CFAP74: variants seen among roughly 807,000 people sequenced by gnomAD.
The protein encoded by CFAP74 is cilia- and flagella-associated protein 74.
CFAP74 carries 124 observed loss-of-function variants against 188.9 expected under a neutral mutation model. The observed-to-expected ratio is 0.66, with a 90% CI of 0.57 to 0.76. The LOEUF is 0.76. Among genes scored for constraint, CFAP74 ranks in the 30% least tolerant of loss-of-function variants. CFAP74 has a pLI of 0.00. For missense variants in CFAP74, 2,198 were observed against 2,165.2 expected (o/e 1.02, Z -0.30); for synonymous variants, 956 against 916.7 (o/e 1.04, Z -0.77).
chr1:1,950,317 T>C (rs1343782178), intron 18 of CFAP74, among the ~76,000 whole-genome samples: 1 of 152,084 alleles, frequency 6.6e-6, no homozygotes, highest in African/African-American at 2.4e-5. Context: ...TGGTGAAGCA[T>C]CTGTTCAGTC....
Position 1,922,632 on chromosome 1 carries a change from G to A in CFAP74, c.4775C>T (p.Thr1592Met), listed in dbSNP as rs1247975499. ...PSRGSVERGQ[T>M]KTISISWVPP... is the part of the protein sequence containing the mutation. ...CACCCAGGAGATGCTGATGGTCTTC[G>A]TCTGGCCGCGCTCCACGGAGCCCCT... is the stretch of plus-strand genomic sequence containing the variant. Residue 1592 changes from threonine to methionine, a missense_variant, in exon 38 of 39, where the codon ACG becomes ATG. Physicochemically the swap from Thr to Met is moderately conservative, Grantham distance 81 (BLOSUM62 -1). Coordinates refer to ENST00000682832, the MANE Select transcript of CFAP74 (RefSeq NM_001304360.2). 8.1e-6 allele frequency: 13 copies of A among 1,605,102 alleles called. No individual in the cohort carries two copies. Among genetic ancestry groups the A allele is most frequent in the African/African-American group, 1.3e-5 (1 of 74,816 alleles).
At position 1,972,220 on chromosome 1, in the gene CFAP74, A is replaced by C. The variant is rs41307850; in HGVS notation, c.786-138T>G. On this transcript the variant is annotated intron_variant, in intron 8 of 38. Transcript: ENST00000682832. ...CTCAGCCTCCCAAAGCGCTGGGATCACAGGCATGCACCACCACAAACGGCC... is the reference window on the plus strand; with the variant it reads ...CTCAGCCTCCCAAAGCGCTGGGATCCCAGGCATGCACCACCACAAACGGCC... The C allele has an allele frequency of 7.5e-6, 5 of 669,108 alleles. No individual in the cohort carries two copies. The East Asian group carries it at 1.4e-4, about 18-fold the overall frequency. The allele number at this position is 669,108 out of a possible 1,614,324, so 41.4% of individuals were successfully genotyped here.
In CFAP74 at chr1:1,922,265, C is replaced by CTTT; in HGVS notation, c.*21_*22insAAA. ...GGCTTTGAGGGTGGACAGGAGGGCC[C>CTTT]GAGGGTGCTCTGTGCAGAGGCTTAG... is the stretch of plus-strand genomic sequence containing the variant. On this transcript the variant is annotated 3_prime_UTR_variant, in exon 39 of 39. Coordinates refer to ENST00000682832, the MANE Select transcript of CFAP74 (RefSeq NM_001304360.2). 6.3e-6 allele frequency: 10 copies of CTTT among 1,592,052 alleles called. No homozygotes were observed. Among genetic ancestry groups the CTTT allele is most frequent in the Middle Eastern group, 3.3e-4 (2 of 5,976 alleles).
intron 1 of CFAP74, among the ~76,000 whole-genome samples, chr1:1,993,757 T>TG (rs1657738152): frequency 5.6e-5 from 3 of 53,468 alleles, no homozygotes; most frequent in Non-Finnish European, 1.2e-4. Flanking sequence ...CCGAGGCAGG[T>TG]GGATCACGAG....
At position 1,972,399 on chromosome 1, in the gene CFAP74, G is replaced by A. The variant is rs532627528; in HGVS notation, c.786-317C>T. ...GCTGGCGCAGAGGCCGGGCCATGACGACATGGTGGGAACATGCCCTGGAGG... is the reference window on the plus strand; with the variant it reads ...GCTGGCGCAGAGGCCGGGCCATGACAACATGGTGGGAACATGCCCTGGAGG... On this transcript the variant is annotated intron_variant, in intron 8 of 38. Transcript: ENST00000682832. Among the ~76,000 whole-genome samples the A allele has an allele frequency of 6.6e-5, 10 of 152,376 alleles. No individual in the cohort carries two copies. In the East Asian group the frequency reaches 1.5e-3, roughly 23 times the overall value.
In CFAP74 at chr1:1,993,838, C is replaced by T. The variant is rs922929513; in HGVS notation, c.-19-2863G>A. On this transcript the variant is annotated intron_variant, in intron 1 of 38. Coordinates refer to ENST00000682832, the MANE Select transcript of CFAP74 (RefSeq NM_001304360.2). The stretch of plus-strand genomic sequence containing the variant: ...TCTACTAAAAATACAAAAAATTAGC[C>T]GGGCGTGGTGGCGGGCGCCTATAGT... 1.1e-3 allele frequency among the ~76,000 whole-genome samples: 168 copies of T among 150,708 alleles called. 1 individual carries two copies. Among genetic ancestry groups the T allele is most frequent in the Middle Eastern group, 3.4e-3 (1 of 292 alleles).
chr1:1,962,810 G>T (rs1183763218), intron 14 of CFAP74, among the ~76,000 whole-genome samples: 1 of 152,166 alleles, frequency 6.6e-6, no homozygotes, highest in Non-Finnish European at 1.5e-5. Flanking sequence ...GATTGCTGGA[G>T]CCTGGGAAAT....
chr1:2,002,554 C>T (rs1022535417), intron 1 of CFAP74, among the ~76,000 whole-genome samples: 7 of 151,042 alleles, frequency 4.6e-5, no homozygotes, highest in African/African-American at 1.7e-4. Flanking sequence ...GCTATAATCC[C>T]AGCTACTTGG....
At chr1:1,970,079 C>G (rs1041747967) in intron 10 of CFAP74, among the ~76,000 whole-genome samples, 1 of 152,118 alleles carries the variant, frequency 6.6e-6, no homozygotes, top group African/African-American at 2.4e-5. Flanking sequence ...CAGTGGGGCC[C>G]GTGGGTGGGG....
intron 1 of CFAP74, among the ~76,000 whole-genome samples, chr1:2,000,568 C>T (rs1658159111): frequency 1.3e-5 from 2 of 152,220 alleles, no homozygotes; most frequent in African/African-American, 4.8e-5. Flanking sequence ...CGTCTAAAAC[C>T]GAGTTGATGG....
chr1:1,973,996 G>A lies in CFAP74; in HGVS notation c.674+29C>T, dbSNP rs1050847983. 1.9e-5 allele frequency: 29 copies of A among 1,512,552 alleles called. No homozygotes were observed. Among genetic ancestry groups the A allele is most frequent in the Non-Finnish European group, 2.6e-5 (29 of 1,125,374 alleles). The allele number at this position is 1,512,552 out of a possible 1,614,324, so 93.7% of individuals were successfully genotyped here. On this transcript the variant is annotated intron_variant, in intron 7 of 38. Coordinates refer to ENST00000682832, the MANE Select transcript of CFAP74 (RefSeq NM_001304360.2). The surrounding 1 kb of genome is among the most constrained non-coding windows in gnomAD (Gnocchi z 6.2). ...GGGGCTGGCAGAAGCTGCTGGGAAG[G>A]GATGGAGGTGGGCCTGGGTGTCGCC... is the stretch of plus-strand genomic sequence containing the variant.
At position 1,966,534 on chromosome 1, in the gene CFAP74, C is replaced by A. The variant is rs201162759; in HGVS notation, c.1246-8G>T. On this transcript the variant is annotated splice_region_variant and splice_polypyrimidine_tract_variant and intron_variant, in intron 11 of 38. Coordinates refer to ENST00000682832, the MANE Select transcript of CFAP74 (RefSeq NM_001304360.2). Reference sequence around the variant, plus strand: ...TGCAGCAGCCTCGTAGTCCTGCAGTCGGGGAGAGGAACATCGCAAAGACAC... The same window carrying A: ...TGCAGCAGCCTCGTAGTCCTGCAGTAGGGGAGAGGAACATCGCAAAGACAC... 3 of 1,528,200 alleles carry A rather than the reference C, an allele frequency of 2.0e-6. No individual in the cohort carries two copies. The South Asian group carries it at 3.7e-5, about 19-fold the overall frequency. 94.7% of individuals were successfully genotyped at this position (1,528,200 alleles called of 1,614,324 possible).
At position 1,975,371 on chromosome 1, in the gene CFAP74, C is replaced by T. The variant is rs552998400; in HGVS notation, c.501-1173G>A. Among the ~76,000 whole-genome samples, 1 of 152,240 alleles carries T rather than the reference C, an allele frequency of 6.6e-6. No individual in the cohort carries two copies. The highest frequency in any genetic ancestry group is 2.1e-4 in the South Asian group (1 of 4,820). On this transcript the variant is annotated intron_variant, in intron 6 of 38. Coordinates refer to ENST00000682832, the MANE Select transcript of CFAP74 (RefSeq NM_001304360.2). This position sits in a 1 kb window ranked among gnomAD's most constrained non-coding sequence, Gnocchi z 4.5. The stretch of plus-strand genomic sequence containing the variant: ...CTAACGTTGAGCCTTTTTCGGGGCT[C>T]CTAGGATATAAACTCCAACTTGGCA...
intron 18 of CFAP74, among the ~76,000 whole-genome samples, chr1:1,950,724 G>C (rs1654154710): frequency 6.6e-6 from 1 of 152,172 alleles, no homozygotes; most frequent in Non-Finnish European, 1.5e-5. Flanking sequence ...TCGGATTTGT[G>C]ATTTGCTAAT....
At chr1:1,956,817 C>A in intron 16 of CFAP74, 33 bp from the exon 17 acceptor site, 3 of 1,600,908 alleles carry the variant, frequency 1.9e-6, no homozygotes, top group Non-Finnish European at 2.6e-6. Flanking sequence ...CTCAGGGCCA[C>A]CGTGCCAGGC....
chr1:1,927,322 C>T, intron 28 of CFAP74: 3 of 573,402 alleles, frequency 5.2e-6, no homozygotes, highest in Admixed American at 3.2e-5. Context: ...CCCATTAGAG[C>T]TTTCCCAGGG....
chr1:1,947,810 G>A (rs1459131736), intron 18 of CFAP74, among the ~76,000 whole-genome samples: 2 of 152,196 alleles, frequency 1.3e-5, no homozygotes, highest in South Asian at 2.1e-4. Context: ...GCCAGGTGGC[G>A]ACTTTGAAGC....
In CFAP74 at chr1:1,956,775, C is replaced by T. The variant is rs201464388; in HGVS notation, c.1861G>A (p.Asp621Asn). The part of the protein sequence containing the change: ...CSTKKCSLSL[D>N]KELIDFGSYV... The stretch of plus-strand genomic sequence containing the variant: ...CTGCCGAAGTCAATGAGCTCCTTGT[C>T]GAGGGACAGCTGCCAGAGGACATGG... Residue 621 changes from aspartate (D) to asparagine (N), a missense_variant, in exon 17 of 39, where the codon GAC becomes AAC. Asp to Asn is a conservative substitution (Grantham distance 23). Transcript: ENST00000682832. 2.3e-5 allele frequency: 37 copies of T among 1,612,416 alleles called. No individual in the cohort carries two copies. The highest frequency in any genetic ancestry group is 3.3e-5 in the Admixed American group (2 of 59,854).
Position 1,942,250 on chromosome 1 carries a change from A to C in CFAP74, c.2487-94T>G. ...AGTTATTAAAACATTTCTGGCACCC[A>C]AGCCCCCGAGAGGTGCTCAGAGCCC... On this transcript the variant is annotated intron_variant, in intron 21 of 38. Transcript: ENST00000682832. This position sits in a 1 kb window ranked among gnomAD's most constrained non-coding sequence, Gnocchi z 4.3. 2 of 1,292,518 alleles carry C rather than the reference A, an allele frequency of 1.5e-6. No homozygotes were observed. Among genetic ancestry groups the C allele is most frequent in the Non-Finnish European group, 1.0e-6 (1 of 997,814 alleles). 80.1% of individuals were successfully genotyped at this position (1,292,518 alleles called of 1,614,324 possible). A position where few individuals can be genotyped will look rare whatever the true frequency, so the allele number is the denominator to read the frequency against.
Sources: gnomAD v4.1 joint callset for allele counts (sites outside exome capture counted in the v4.1 genomes callset) on GRCh38, gnomAD v4.1.1 for gene constraint, Gnocchi (gnomAD v3.1) non-coding constraint, MANE v1.5 for transcripts, NCBI Gene and HGNC (gene_info 2026-07-23, HGNC 2026-07-21) for gene names.